Variants in NFAT5 observed in about 807,000 individuals in gnomAD.
NFAT5 encodes nuclear factor of activated T cells 5, also known as nuclear factor of activated T-cells 5.
A neutral mutation model predicts 166.5 loss-of-function variants in NFAT5; 31 were observed. The ratio of observed to expected loss-of-function variants is 0.19; its 90% confidence interval spans 0.14 to 0.25. The LOEUF (loss-of-function observed/expected upper bound fraction) is 0.25. Ranked by LOEUF, NFAT5 falls within the 10% of genes least tolerant of loss-of-function variation. The probability of loss-of-function intolerance (pLI) is 1.00; values close to 1 mark genes in which losing one functional copy is unlikely to be tolerated. For synonymous variants in NFAT5, 612 were observed against 639.7 expected (o/e 0.96, Z 0.65); for missense variants, 1,449 against 1,821.8 (o/e 0.80, Z 3.72).
At position 69,699,798 on chromosome 16, in the gene NFAT5, C is replaced by CTTGG; in HGVS notation, c.*3448_*3451dup. ...TTGCTTTCAGCAACTCACATTAATG[C>CTTGG]TTGGAGCTTATCTCTTTCTCTCTCT... On this transcript the variant is annotated 3_prime_UTR_variant, in exon 15 of 15. Transcript: ENST00000349945. 6.6e-6 allele frequency: 1 copy of CTTGG among 151,816 alleles called. No individual in the cohort carries two copies. The highest frequency in any genetic ancestry group is 2.1e-4 in the South Asian group (1 of 4,796). 9.4% of individuals were successfully genotyped at this position (151,816 alleles called of 1,614,324 possible).
At chr16:69,585,421 C>T (rs2031992070) in intron 2 of NFAT5, among the ~76,000 whole-genome samples, 1 of 151,668 alleles carries the variant, frequency 6.6e-6, no homozygotes, top group South Asian at 2.1e-4. Context: ...AGGTGGTTCC[C>T]CCAAAAAAGT....
intron 9 of NFAT5, among the ~76,000 whole-genome samples, chr16:69,671,807 T>C (rs980776792): frequency 3.3e-5 from 5 of 152,206 alleles, no homozygotes; most frequent in African/African-American, 7.2e-5. Context: ...GGCATAGCAA[T>C]GTGTGATGAT....
chr16:69,623,639 C>G (rs1390552011), intron 2 of NFAT5, among the ~76,000 whole-genome samples: 1 of 151,954 alleles, frequency 6.6e-6, no homozygotes. Context: ...TCCCAAGTAG[C>G]TGTGATTACA....
intron 2 of NFAT5, among the ~76,000 whole-genome samples, chr16:69,575,003 A>G (rs1302534926): frequency 6.6e-6 from 1 of 151,846 alleles, no homozygotes; most frequent in Non-Finnish European, 1.5e-5. Flanking sequence ...TTTATGTGGT[A>G]AATAGGTAAT....
At chr16:69,683,410 T>C (rs900366052) in intron 10 of NFAT5, among the ~76,000 whole-genome samples, 1 of 151,628 alleles carries the variant, frequency 6.6e-6, no homozygotes. Flanking sequence ...CGTGTGCCTG[T>C]AGTTCCAGCT....
chr16:69,606,285 A>G (rs540709057), intron 2 of NFAT5, among the ~76,000 whole-genome samples: 5 of 152,238 alleles, frequency 3.3e-5, no homozygotes, highest in South Asian at 4.1e-4. Context: ...TCAAGTGCCT[A>G]TAGGGCACAG....
At chr16:69,568,372 GTGTGTATATA>G (rs1316871627) in intron 1 of NFAT5, 113 bp from the exon 2 acceptor site, 6,800 of 394,452 alleles carry the variant, frequency 0.017, 467 homozygotes, top group African/African-American at 0.16. Context: ...GTGTGTGTGT[GTGTGTATATA>G]TATATATATA....
intron 9 of NFAT5, among the ~76,000 whole-genome samples, chr16:69,676,112 C>T (rs2151683931): frequency 6.6e-6 from 1 of 152,324 alleles, no homozygotes; most frequent in East Asian, 1.9e-4. Flanking sequence ...TGTCATCAAA[C>T]TCACGTCACC....
At chr16:69,695,793 G>A in intron 14 of NFAT5, 1 of 162,478 alleles carries the variant, frequency 6.2e-6, no homozygotes, top group East Asian at 1.8e-4. Context: ...CATCTCAAGT[G>A]GAAAATTCCA....
chr16:69,633,383 G>T (rs1158305964), intron 3 of NFAT5, among the ~76,000 whole-genome samples: 4 of 152,110 alleles, frequency 2.6e-5, no homozygotes, highest in Admixed American at 2.0e-4. Context: ...CATAGAAGTG[G>T]ACTTTTTTAT....
intron 2 of NFAT5, among the ~76,000 whole-genome samples, chr16:69,573,562 C>T (rs1429868441): frequency 1.3e-5 from 2 of 152,120 alleles, no homozygotes; most frequent in African/African-American, 4.8e-5. Context: ...TAATGAAGTT[C>T]AAACATGTCA....
At chr16:69,567,048 G>T (rs1046523562) in intron 1 of NFAT5, among the ~76,000 whole-genome samples, 4 of 151,794 alleles carry the variant, frequency 2.6e-5, no homozygotes. Context: ...TCCCACCTCC[G>T]TGGCATTCTA....
intron 2 of NFAT5, among the ~76,000 whole-genome samples, chr16:69,621,818 A>G (rs1157041891): frequency 6.6e-6 from 1 of 152,046 alleles, no homozygotes; most frequent in Non-Finnish European, 1.5e-5. Flanking sequence ...GTTTTTTTAA[A>G]AAAATTAGCC....
In NFAT5 at chr16:69,694,134, G is replaced by A. The variant is rs1346233245; in HGVS notation, c.4309G>A (p.Ala1437Thr). The change falls in exon 13 of 15, where the codon GCT becomes ACT. Residue 1437 changes from alanine to threonine, a missense_variant. Ala to Thr is a moderately conservative substitution (Grantham distance 58). Transcript: ENST00000349945. ...QGATSSPQPQ[A>T]TLFHNTAGGT... ...AGCCACATCTTCGCCTCAACCACAG[G>A]CTACTTTATTTCACAACACAGCAGG... is the stretch of plus-strand genomic sequence containing the variant. 1 of 1,614,110 alleles carries A rather than the reference G, an allele frequency of 6.2e-7. No individual in the cohort carries two copies. Among genetic ancestry groups the A allele is most frequent in the Non-Finnish European group, 8.5e-7 (1 of 1,180,018 alleles).
intron 2 of NFAT5, among the ~76,000 whole-genome samples, chr16:69,606,034 A>G (rs1597388772): frequency 6.6e-6 from 1 of 152,216 alleles, no homozygotes; most frequent in South Asian, 2.1e-4. Context: ...TTTAATAGGA[A>G]TGTTTTGGTA....
chr16:69,585,521 C>G (rs942125952), intron 2 of NFAT5, among the ~76,000 whole-genome samples: 2 of 152,076 alleles, frequency 1.3e-5, no homozygotes, highest in Non-Finnish European at 2.9e-5. Flanking sequence ...TACTAATGCA[C>G]TAATGTTCCT....
chr16:69,575,867 A>G (rs1597339091), intron 2 of NFAT5, among the ~76,000 whole-genome samples: 1 of 152,108 alleles, frequency 6.6e-6, no homozygotes, highest in African/African-American at 2.4e-5. Context: ...CAGTATCCCT[A>G]TTTCGTAAAT....
chr16:69,606,569 CTG>C (rs1490504895), intron 2 of NFAT5, among the ~76,000 whole-genome samples: 2 of 152,112 alleles, frequency 1.3e-5, no homozygotes, highest in African/African-American at 4.8e-5. Context: ...GAAAGGAAAA[CTG>C]TGGCTGGGTA....
At chr16:69,620,385 G>T (rs560946914) in intron 2 of NFAT5, among the ~76,000 whole-genome samples, 1 of 152,284 alleles carries the variant, frequency 6.6e-6, no homozygotes, top group Non-Finnish European at 1.5e-5. Flanking sequence ...ATTTAGGTGA[G>T]TTGATTACAC....
Sources: allele counts gnomAD v4.1 joint callset (sites outside exome capture counted in the v4.1 genomes callset), GRCh38; gene constraint gnomAD v4.1.1; transcripts MANE v1.5; gene names NCBI Gene and HGNC (gene_info 2026-07-23, HGNC 2026-07-21).